KIAA0319L: variants seen among roughly 807,000 people sequenced by gnomAD.
KIAA0319L encodes dyslexia-associated protein KIAA0319-like protein.
In KIAA0319L, 55 loss-of-function variants were observed where a neutral mutation model predicts 120.1. The ratio of observed to expected loss-of-function variants is 0.46; its 90% CI spans 0.37 to 0.57. The LOEUF is 0.57. Ranked by LOEUF, KIAA0319L falls within the 20% of genes least tolerant of loss-of-function variation. The pLI is 0.00. For missense variants in KIAA0319L, 1,049 were observed against 1,255.3 expected (o/e 0.84, Z 2.48); for synonymous variants, 398 against 471.9 (o/e 0.84, Z 2.03).
intron 2 of KIAA0319L, among the ~76,000 whole-genome samples, chr1:35,523,924 T>A (rs1318960105): frequency 6.6e-6 from 1 of 152,146 alleles, no homozygotes; most frequent in Admixed American, 6.5e-5. Context: ...GAGGGAGAGT[T>A]AAGTGCAAGT....
chr1:35,557,382 G>T lies in KIAA0319L; in HGVS notation c.-204C>A, dbSNP rs1001378491. 9.5e-6 allele frequency: 3 copies of T among 315,942 alleles called. No homozygotes were observed. Among genetic ancestry groups the T allele is most frequent in the Non-Finnish European group, 1.9e-5 (3 of 161,352 alleles). 19.6% of individuals were successfully genotyped at this position (315,942 alleles called of 1,614,324 possible). ...GCTACCTCTCGCCTCAGCCTCCCTG[G>T]ACAGCGACGGCGGCCGGAAACACCG... On this transcript the variant is annotated 5_prime_UTR_variant, in exon 1 of 21. Coordinates refer to ENST00000325722, the MANE Select transcript of KIAA0319L (RefSeq NM_024874.5).
At chr1:35,479,287 G>T in intron 3 of KIAA0319L, 75 bp from the exon 4 acceptor site, 2 of 1,231,684 alleles carry the variant, frequency 1.6e-6, no homozygotes, top group Non-Finnish European at 1.1e-6. Context: ...TGAAACAATA[G>T]TCTATTAAAT....
intron 2 of KIAA0319L, among the ~76,000 whole-genome samples, chr1:35,534,147 T>C (rs1355870098): frequency 6.6e-6 from 1 of 152,204 alleles, no homozygotes; most frequent in East Asian, 1.9e-4. Context: ...CCTTTGAAAA[T>C]AATTACTACT....
In KIAA0319L at chr1:35,451,763, C is replaced by T; in HGVS notation, c.1927G>A (p.Val643Met). Residue 643 changes from valine to methionine, a missense_variant, in exon 13 of 21, where the codon GTG (valine) becomes ATG (methionine). Val to Met is a conservative substitution (Grantham distance 21). Transcript: ENST00000325722. ...LWEKTQGPDG[V>M]QLENANSSVA... ...CTGCTGTTAGCATTCTCGAGCTGCA[C>T]CCCATCAGGTCCCCTGCAAAAAAAG... 6.2e-7 allele frequency: 1 copy of T among 1,614,102 alleles called. No homozygotes were observed. The highest frequency in any genetic ancestry group is 8.5e-7 in the Non-Finnish European group (1 of 1,179,980).
intron 3 of KIAA0319L, among the ~76,000 whole-genome samples, chr1:35,504,906 C>T (rs1202838986): frequency 6.6e-6 from 1 of 152,190 alleles, no homozygotes; most frequent in Non-Finnish European, 1.5e-5. Flanking sequence ...CCAGCAACAC[C>T]AGTCTCTCCC....
chr1:35,468,348 G>A (rs1643408083), intron 6 of KIAA0319L, among the ~76,000 whole-genome samples: 1 of 151,984 alleles, frequency 6.6e-6, no homozygotes, highest in African/African-American at 2.4e-5. Context: ...ACCTCAGCCT[G>A]CTTATTTCTT....
At chr1:35,527,310 G>A (rs911673533) in intron 2 of KIAA0319L, among the ~76,000 whole-genome samples, 1 of 152,082 alleles carries the variant, frequency 6.6e-6, no homozygotes, top group Non-Finnish European at 1.5e-5. Flanking sequence ...GAGGATTTCT[G>A]CATCTATGTT....
chr1:35,471,641 G>C (rs1209370816), intron 5 of KIAA0319L, among the ~76,000 whole-genome samples: 1 of 152,110 alleles, frequency 6.6e-6, no homozygotes, highest in African/African-American at 2.4e-5. Flanking sequence ...CCCAGAAAAA[G>C]TAGTCTTAAA....
chr1:35,493,813 C>T (rs1022340397), intron 3 of KIAA0319L, among the ~76,000 whole-genome samples: 4 of 152,010 alleles, frequency 2.6e-5, no homozygotes, highest in Admixed American at 2.6e-4. Context: ...CCACTGCACT[C>T]CAGCCTGGGT....
At chr1:35,464,013 G>A (rs538433907) in intron 7 of KIAA0319L, among the ~76,000 whole-genome samples, 10 of 152,240 alleles carry the variant, frequency 6.6e-5, no homozygotes, top group Admixed American at 1.3e-4. Flanking sequence ...CCCCAGCCAC[G>A]TGCTACTCTA....
chr1:35,460,316 G>A lies in KIAA0319L; in HGVS notation c.1416C>T (p.Asn472=). The A allele has an allele frequency of 6.2e-7, 1 of 1,611,364 alleles. No individual in the cohort carries two copies. Among genetic ancestry groups the A allele is most frequent in the Non-Finnish European group, 8.5e-7 (1 of 1,179,110 alleles). The change falls in exon 9 of 21, where the codon AAC becomes AAT. Residue 472 remains asparagine (N), a synonymous_variant. Coordinates refer to ENST00000325722, the MANE Select transcript of KIAA0319L (RefSeq NM_024874.5). Reference sequence around the variant, plus strand: ...GAATCCTAATTTACCTGAAAGTGTAGTTCCCAGGGACGAGTTTACTTAGTT... The same window carrying A: ...GAATCCTAATTTACCTGAAAGTGTAATTCCCAGGGACGAGTTTACTTAGTT... ...ILKLSKLVPG[N]YTFSLTVVDS... is the part of the protein sequence containing the mutation.
intron 7 of KIAA0319L, among the ~76,000 whole-genome samples, chr1:35,464,570 T>A (rs543469604): frequency 1.3e-5 from 2 of 152,338 alleles, no homozygotes; most frequent in East Asian, 1.9e-4. Flanking sequence ...ATTTGCAGCC[T>A]GACAATGCAA....
chr1:35,478,889 C>T, intron 4 of KIAA0319L, 77 bp downstream of exon 4: 1 of 1,512,188 alleles, frequency 6.6e-7, no homozygotes, highest in Non-Finnish European at 9.0e-7. Flanking sequence ...GCCTCCCTTC[C>T]TTCTTTCCTC....
intron 2 of KIAA0319L, among the ~76,000 whole-genome samples, chr1:35,547,946 C>T (rs1422646303): frequency 6.6e-6 from 1 of 152,080 alleles, no homozygotes; most frequent in Non-Finnish European, 1.5e-5. Flanking sequence ...CATGGCAAAA[C>T]CCCATCTCTA....
chr1:35,513,120 A>T (rs1396539637), intron 2 of KIAA0319L, among the ~76,000 whole-genome samples: 1 of 151,036 alleles, frequency 6.6e-6, no homozygotes, highest in Non-Finnish European at 1.5e-5. Flanking sequence ...GCCCCTTAAG[A>T]AAAAGCTTGT....
chr1:35,555,473 C>T (rs1647840560), intron 1 of KIAA0319L, among the ~76,000 whole-genome samples: 1 of 152,218 alleles, frequency 6.6e-6, no homozygotes, highest in Admixed American at 6.5e-5. Context: ...AACTAAGGTG[C>T]AGCCCACCCA....
chr1:35,450,548 G>C (rs1334258030), intron 13 of KIAA0319L, 39 bp from the exon 14 acceptor site: 4 of 1,560,334 alleles, frequency 2.6e-6, no homozygotes, highest in Middle Eastern at 1.7e-4. Flanking sequence ...GTGACATTCT[G>C]GAAAAGAAGA....
chr1:35,476,392 T>C (rs917402746), intron 4 of KIAA0319L, among the ~76,000 whole-genome samples: 4 of 152,190 alleles, frequency 2.6e-5, no homozygotes. Flanking sequence ...ACTTCAAAAC[T>C]AGGAGAGCTT....
At chr1:35,455,911 A>G in intron 10 of KIAA0319L, 102 bp downstream of exon 10, 1 of 864,166 alleles carries the variant, frequency 1.2e-6, no homozygotes, top group South Asian at 1.7e-5. Flanking sequence ...CGTTAATCAA[A>G]GGCCCCTAAA....
Sources: allele counts gnomAD v4.1 joint callset (sites outside exome capture counted in the v4.1 genomes callset), GRCh38; gene constraint gnomAD v4.1.1; transcripts MANE v1.5; gene names NCBI Gene and HGNC (gene_info 2026-07-23, HGNC 2026-07-21).